The following NELL1 variants were observed in gnomAD, a reference collection of about 807,000 sequenced individuals.
The protein encoded by NELL1 is protein kinase C-binding protein NELL1.
NELL1 carries 76 observed loss-of-function variants against 107.4 expected under a neutral mutation model. The observed-to-expected ratio is 0.71, with a 90% CI of 0.59 to 0.86. The LOEUF (loss-of-function observed/expected upper bound fraction) is 0.86, where lower values mean the gene tolerates loss of function less well. NELL1 is among the 40% of genes least tolerant of loss of function. The pLI is 0.00. For missense variants in NELL1, 1,024 were observed against 1,005.5 expected, an observed-to-expected ratio of 1.02 and a Z score of -0.25; for synonymous variants, 353 against 341.2, an observed-to-expected ratio of 1.03 and a Z score of -0.38.
intron 2 of NELL1, among the ~76,000 whole-genome samples, chr11:20,696,546 T>C (rs1393986274): frequency 1.3e-5 from 2 of 152,160 alleles, no homozygotes; most frequent in Non-Finnish European, 2.9e-5. Context: ...AGGGACCTAA[T>C]AAATGATGTC....
intron 2 of NELL1, among the ~76,000 whole-genome samples, chr11:20,706,961 T>A (rs1854978412): frequency 6.6e-6 from 1 of 152,160 alleles, no homozygotes; most frequent in Non-Finnish European, 1.5e-5. Flanking sequence ...TGAAGAGTAT[T>A]TTCCAACTTG....
chr11:21,561,876 GA>G (rs1856858296), intron 17 of NELL1, among the ~76,000 whole-genome samples: 1 of 152,030 alleles, frequency 6.6e-6, no homozygotes, highest in African/African-American at 2.4e-5. Context: ...AAATTTTTAA[GA>G]GAAGACAAAT....
chr11:21,417,670 T>C (rs1852551108), intron 15 of NELL1, among the ~76,000 whole-genome samples: 1 of 152,096 alleles, frequency 6.6e-6, no homozygotes, highest in Admixed American at 6.6e-5. Context: ...TGATTAGTGA[T>C]CTTCAGCAGT....
chr11:20,856,761 C>T (rs1392462121), intron 4 of NELL1, among the ~76,000 whole-genome samples: 1 of 152,212 alleles, frequency 6.6e-6, no homozygotes, highest in Non-Finnish European at 1.5e-5. Flanking sequence ...AGAAGCATAA[C>T]ACCACGCTAA....
At chr11:21,370,750 T>A in intron 14 of NELL1, 103 bp from the exon 15 acceptor site, 1 of 806,560 alleles carries the variant, frequency 1.2e-6, no homozygotes, top group South Asian at 1.5e-5. Flanking sequence ...AGATGTGTAT[T>A]CCCTATGCAA....
chr11:21,574,983 C>G lies in NELL1; in HGVS notation c.2394C>G (p.Val798=). Residue 798 remains valine (V), a synonymous_variant, in exon 20 of 20, where the codon GTC becomes GTG. Transcript: ENST00000357134. The stretch of plus-strand genomic sequence containing the variant: ...TCTTTGATGTACAGAATGGAAGAGT[C>G]TGTTGTTCTGTGGATTTTGAGTGTC... The part of the protein sequence containing the change: ...CTTCKCKNGR[V]CCSVDFECLQ... 6.2e-7 allele frequency: 1 copy of G among 1,611,020 alleles called. No homozygotes were observed. The highest frequency in any genetic ancestry group is 8.5e-7 in the Non-Finnish European group (1 of 1,178,052).
chr11:21,004,557 G>A (rs1040978849), intron 12 of NELL1, among the ~76,000 whole-genome samples: 5 of 151,984 alleles, frequency 3.3e-5, no homozygotes, highest in African/African-American at 1.2e-4. Flanking sequence ...GTCTCCACAG[G>A]GAGGTTTTCA....
At chr11:21,209,845 T>C (rs906098103) in intron 13 of NELL1, among the ~76,000 whole-genome samples, 8 of 152,168 alleles carry the variant, frequency 5.3e-5, no homozygotes, top group African/African-American at 1.9e-4. Flanking sequence ...TGTAGAATGT[T>C]TCTATCACCT....
intron 16 of NELL1, among the ~76,000 whole-genome samples, chr11:21,543,808 A>G (rs1002202313): frequency 6.6e-6 from 1 of 152,030 alleles, no homozygotes; most frequent in Non-Finnish European, 1.5e-5. Context: ...ATCAAAATAG[A>G]GTGCATTACA....
intron 16 of NELL1, among the ~76,000 whole-genome samples, chr11:21,557,749 G>T (rs902060750): frequency 3.3e-5 from 5 of 152,010 alleles, no homozygotes; most frequent in African/African-American, 9.7e-5. Flanking sequence ...TGAAGGGCAG[G>T]GTTGTGATTA....
chr11:21,128,614 T>C (rs1379965713), intron 13 of NELL1, among the ~76,000 whole-genome samples: 1 of 152,150 alleles, frequency 6.6e-6, no homozygotes, highest in African/African-American at 2.4e-5. Flanking sequence ...AAGCAGATCG[T>C]CCATTTAATT....
At chr11:21,170,477 AT>A (rs1856580189) in intron 13 of NELL1, among the ~76,000 whole-genome samples, 1 of 151,730 alleles carries the variant, frequency 6.6e-6, no homozygotes, top group South Asian at 2.1e-4. Context: ...ACCACAATAT[AT>A]TGCTATTTTT....
chr11:20,865,431 C>G (rs77864486), intron 4 of NELL1, among the ~76,000 whole-genome samples: 3 of 152,052 alleles, frequency 2.0e-5, no homozygotes, highest in African/African-American at 7.2e-5. Flanking sequence ...CTGGAAAAGC[C>G]TTGGAGTCTG....
intron 2 of NELL1, among the ~76,000 whole-genome samples, chr11:20,706,590 C>A (rs1198725964): frequency 6.6e-6 from 1 of 151,610 alleles, no homozygotes; most frequent in South Asian, 2.1e-4. Context: ...TTAGTGGGTG[C>A]AGCACACCAA....
intron 15 of NELL1, among the ~76,000 whole-genome samples, chr11:21,389,170 T>A (rs555166310): frequency 2.0e-5 from 3 of 151,778 alleles, no homozygotes; most frequent in African/African-American, 7.2e-5. Flanking sequence ...GATTATAGGA[T>A]CTATGCCCTT....
chr11:21,552,068 A>C (rs1391660467), intron 16 of NELL1, among the ~76,000 whole-genome samples: 1 of 142,468 alleles, frequency 7.0e-6, no homozygotes, highest in African/African-American at 2.6e-5. Flanking sequence ...ATTCTCACTC[A>C]TAGGTGGGAA....
chr11:21,025,884 T>A (rs1293161275), intron 12 of NELL1, among the ~76,000 whole-genome samples: 1 of 152,192 alleles, frequency 6.6e-6, no homozygotes, highest in Non-Finnish European at 1.5e-5. Context: ...TTCCCATCAA[T>A]TAAAGGCAAT....
intron 14 of NELL1, among the ~76,000 whole-genome samples, chr11:21,340,439 A>C (rs1435333957): frequency 6.6e-6 from 1 of 152,228 alleles, no homozygotes; most frequent in African/African-American, 2.4e-5. Flanking sequence ...GGCGTGAGCC[A>C]CCGCGCCCAG....
chr11:21,535,968 A>C (rs1275274540), intron 16 of NELL1, among the ~76,000 whole-genome samples: 1 of 152,212 alleles, frequency 6.6e-6, no homozygotes, highest in Non-Finnish European at 1.5e-5. Flanking sequence ...GAATATTAAC[A>C]TATGACATTA....
Sources: gnomAD v4.1 joint callset for allele counts (sites outside exome capture counted in the v4.1 genomes callset) on GRCh38, gnomAD v4.1.1 for gene constraint, MANE v1.5 for transcripts, NCBI Gene and HGNC (gene_info 2026-07-23, HGNC 2026-07-21) for gene names.